Variants in SUMF1 observed in about 807,000 individuals in gnomAD.
SUMF1 encodes the protein formylglycine-generating enzyme.
SUMF1 carries 48 observed loss-of-function variants against 47.6 expected under a neutral mutation model. That is an observed-to-expected ratio of 1.01 (90% CI 0.80 to 1.28). The LOEUF (loss-of-function observed/expected upper bound fraction) is 1.28. SUMF1 is among the 50% of genes most tolerant of loss of function. The pLI is 0.00. For synonymous variants in SUMF1, 230 were observed against 192.1 expected, an observed-to-expected ratio of 1.20 and a Z score of -1.63; for missense variants, 571 against 485.4, an observed-to-expected ratio of 1.18 and a Z score of -1.66.
chr3:4,467,236 G>T lies in SUMF1; in HGVS notation c.10C>A (p.Pro4Thr). MAA[P>T]ALGLVCGRCP... ...CGTCCACACACCAGCCCTAGTGCGG[G>T]CGCAGCCATGTTGTCCCGCGGGCCA... Residue 4 changes from proline to threonine, a missense_variant, in exon 1 of 9, where the codon CCC (proline) becomes ACC (threonine). Pro to Thr is a conservative substitution (Grantham distance 38, BLOSUM62 -1). Coordinates refer to ENST00000272902, the MANE Select transcript of SUMF1 (RefSeq NM_182760.4). 1 of 1,608,784 alleles carries T rather than the reference G, an allele frequency of 6.2e-7. No individual in the cohort carries two copies.
chr3:4,177,146 C>A (rs917778580), intron 8 of SUMF1, among the ~76,000 whole-genome samples: 2 of 152,148 alleles, frequency 1.3e-5, no homozygotes, highest in African/African-American at 4.8e-5. Context: ...AGAAGGTTAA[C>A]AAGGATACCC....
At chr3:4,429,469 G>C (rs1000305989) in intron 3 of SUMF1, among the ~76,000 whole-genome samples, 3 of 152,202 alleles carry the variant, frequency 2.0e-5, no homozygotes, top group African/African-American at 4.8e-5. Context: ...TCTGAGAAGA[G>C]AGGTCAAAGA....
intron 8 of SUMF1, among the ~76,000 whole-genome samples, chr3:4,319,477 G>A (rs1028673465): frequency 2.6e-5 from 4 of 152,152 alleles, no homozygotes; most frequent in Non-Finnish European, 5.9e-5. Flanking sequence ...GAGGGGGTCT[G>A]GCATCTTATT....
At chr3:4,451,628 T>A (rs1479636310) in intron 2 of SUMF1, among the ~76,000 whole-genome samples, 3 of 152,190 alleles carry the variant, frequency 2.0e-5, no homozygotes, top group Non-Finnish European at 2.9e-5. Context: ...GAGCTGAGAG[T>A]ATCTCTGTGA....
intron 8 of SUMF1, among the ~76,000 whole-genome samples, chr3:4,124,005 A>T (rs1418055466): frequency 6.6e-6 from 1 of 152,128 alleles, no homozygotes; most frequent in Non-Finnish European, 1.5e-5. Flanking sequence ...CTCCTTTTCT[A>T]AAAGCTCTCC....
chr3:4,305,640 T>G (rs1270245654), intron 8 of SUMF1, among the ~76,000 whole-genome samples: 1 of 152,160 alleles, frequency 6.6e-6, no homozygotes, highest in Non-Finnish European at 1.5e-5. Context: ...ATATTTTGAT[T>G]TCTTCCCTTA....
chr3:4,093,020 G>A (rs535973697), intron 8 of SUMF1, among the ~76,000 whole-genome samples: 1 of 152,262 alleles, frequency 6.6e-6, no homozygotes, highest in South Asian at 2.1e-4. Flanking sequence ...TACATGCAGT[G>A]CTTAAAAGTA....
At chr3:4,226,226 C>G (rs901629088) in intron 8 of SUMF1, among the ~76,000 whole-genome samples, 32 of 147,730 alleles carry the variant, frequency 2.2e-4, no homozygotes, top group African/African-American at 7.2e-4. Context: ...TAACTGTTAG[C>G]TATTACCACC....
intron 9 of SUMF1, among the ~76,000 whole-genome samples, chr3:4,052,032 G>T (rs1006566814): frequency 2.6e-5 from 4 of 152,092 alleles, no homozygotes; most frequent in African/African-American, 9.7e-5. Context: ...TCCTAAGGCT[G>T]CCATATCACC....
chr3:4,060,506 T>G (rs1330486069), intron 9 of SUMF1, among the ~76,000 whole-genome samples: 2 of 152,190 alleles, frequency 1.3e-5, no homozygotes, highest in Non-Finnish European at 2.9e-5. Context: ...TTGAAAGGCA[T>G]GAGATTACAC....
chr3:4,227,386 T>C (rs199541706), intron 8 of SUMF1, among the ~76,000 whole-genome samples: 1 of 58,126 alleles, frequency 1.7e-5, no homozygotes, highest in Non-Finnish European at 4.9e-5. Context: ...ACATTTCAAA[T>C]TGGTCAAGTG....
intron 3 of SUMF1, among the ~76,000 whole-genome samples, chr3:4,437,481 G>A (rs75749405): frequency 0.019 from 2,878 of 152,116 alleles, 36 homozygotes; most frequent in Non-Finnish European, 0.028. Context: ...AGAATAAGCA[G>A]AAGGCAAAGA....
chr3:4,120,579 G>A (rs986336973), intron 8 of SUMF1, among the ~76,000 whole-genome samples: 5 of 152,006 alleles, frequency 3.3e-5, no homozygotes, highest in African/African-American at 1.2e-4. Context: ...TACACCTATG[G>A]GAAATTCAAG....
chr3:4,088,688 C>T (rs796346298), intron 8 of SUMF1, among the ~76,000 whole-genome samples: 2 of 152,094 alleles, frequency 1.3e-5, no homozygotes, highest in South Asian at 2.1e-4. Context: ...GAGTCCCCAG[C>T]GCCTAGGATG....
chr3:4,340,511 C>T (rs1019793307), intron 8 of SUMF1, among the ~76,000 whole-genome samples: 1 of 152,302 alleles, frequency 6.6e-6, no homozygotes, highest in South Asian at 2.1e-4. Flanking sequence ...AAAAAGATCA[C>T]TTTCACTACA....
At chr3:4,452,620 G>A (rs528439391) in intron 2 of SUMF1, among the ~76,000 whole-genome samples, 1 of 152,316 alleles carries the variant, frequency 6.6e-6, no homozygotes, top group Non-Finnish European at 1.5e-5. Context: ...GGCCAGGCTG[G>A]AATCCCAGCT....
chr3:4,442,638 G>GAAAAAAAAAAAAAAA lies in SUMF1; in HGVS notation c.519+6627_519+6628insTTTTTTTTTTTTTTT, dbSNP rs61296884. On this transcript the variant is annotated intron_variant, in intron 3 of 8. Coordinates refer to ENST00000272902, the MANE Select transcript of SUMF1 (RefSeq NM_182760.4). ...AAATAGAGGGACAAGAGAGAAAAAG[G>GAAAAAAAAAAAAAAA]AAAAAAAAAAAAAAGAGAGAGAAAA... Among the ~76,000 whole-genome samples, 102 of 61,254 alleles carry GAAAAAAAAAAAAAAA rather than the reference G, an allele frequency of 1.7e-3. 4 individuals are homozygous for GAAAAAAAAAAAAAAA. Among genetic ancestry groups the GAAAAAAAAAAAAAAA allele is most frequent in the East Asian group, 0.015 (36 of 2,432 alleles). The allele number at this position is 61,254 out of a possible 152,430, so 40.2% of individuals were successfully genotyped here.
chr3:4,139,561 T>C (rs976570763), intron 8 of SUMF1, among the ~76,000 whole-genome samples: 3 of 129,810 alleles, frequency 2.3e-5, no homozygotes, highest in African/African-American at 7.8e-5. Flanking sequence ...TAAACTTATA[T>C]ATATGCATGT....
At chr3:4,199,592 A>T (rs1695499271) in intron 8 of SUMF1, among the ~76,000 whole-genome samples, 1 of 152,122 alleles carries the variant, frequency 6.6e-6, no homozygotes, top group Non-Finnish European at 1.5e-5. Flanking sequence ...TTCCATCAGC[A>T]ATGTATGAGG....
Sources: allele counts gnomAD v4.1 joint callset (sites outside exome capture counted in the v4.1 genomes callset), GRCh38; gene constraint gnomAD v4.1.1; transcripts MANE v1.5; gene names NCBI Gene and HGNC (gene_info 2026-07-23, HGNC 2026-07-21).